Variants in RNASET2 observed in about 807,000 individuals in gnomAD.
RNASET2 encodes ribonuclease 6.
Under a neutral mutation model 33.9 loss-of-function variants are expected in RNASET2, and 28 were observed. The ratio of observed to expected loss-of-function variants is 0.83; its 90% CI spans 0.61 to 1.13. The LOEUF (loss-of-function observed/expected upper bound fraction) is 1.13. Ranked by LOEUF, RNASET2 falls within the 50% of genes most tolerant of loss-of-function variation. The probability of loss-of-function intolerance (pLI) is 0.00; values close to 1 mark genes in which losing one functional copy is unlikely to be tolerated. For missense variants in RNASET2, 330 were observed against 319.9 expected (o/e 1.03, Z -0.24); for synonymous variants, 123 against 121.0 (o/e 1.02, Z -0.11).
chr6:166,924,810 G>C lies in RNASET2; in HGVS notation c.*4778C>G, dbSNP rs991412410. Among the ~76,000 whole-genome samples the C allele has an allele frequency of 6.6e-6, 1 of 152,076 alleles. No homozygotes were observed. Among genetic ancestry groups the C allele is most frequent in the Admixed American group, 6.5e-5 (1 of 15,276 alleles). On this transcript the variant is annotated 3_prime_UTR_variant, in exon 9 of 9. Coordinates refer to ENST00000508775, the MANE Select transcript of RNASET2 (RefSeq NM_003730.6). Reference sequence around the variant, plus strand: ...TCTACTAAAAATACAAAATTAGCCGGGCATGGTGGCATATGCCACCACTCT... The same window carrying C: ...TCTACTAAAAATACAAAATTAGCCGCGCATGGTGGCATATGCCACCACTCT...
chr6:166,926,429 G>C lies in RNASET2; in HGVS notation c.*3159C>G, dbSNP rs1485618754. ...GGCGTGCCTAGTCCCAGCTACTCGGGAGGCTGAGGCAGAAGAATTGCTTGA... is the reference window on the plus strand; with the variant it reads ...GGCGTGCCTAGTCCCAGCTACTCGGCAGGCTGAGGCAGAAGAATTGCTTGA... On this transcript the variant is annotated 3_prime_UTR_variant, in exon 9 of 9. Transcript: ENST00000508775. Among the ~76,000 whole-genome samples the C allele has an allele frequency of 6.6e-6, 1 of 151,350 alleles. No individual in the cohort carries two copies. The highest frequency in any genetic ancestry group is 1.5e-5 in the Non-Finnish European group (1 of 67,892).
In RNASET2 at chr6:166,955,237, A is replaced by ACG. The variant is rs1471900054; in HGVS notation, c.86+858_86+859dup. Among the ~76,000 whole-genome samples, 12 of 118,602 alleles carry ACG rather than the reference A, an allele frequency of 1.0e-4. 1 individual carries two copies. The East Asian group carries it at 2.5e-3, about 25-fold the overall frequency. 77.8% of individuals were successfully genotyped at this position (118,602 alleles called of 152,430 possible). On this transcript the variant is annotated intron_variant, in intron 1 of 8. Coordinates refer to ENST00000508775, the MANE Select transcript of RNASET2 (RefSeq NM_003730.6). ...CGCACACACGCGCACACACGCACGC[A>ACG]CGCACACACACGCACACACGCACAC... is the stretch of plus-strand genomic sequence containing the variant.
chr6:166,955,249 GCACACACGCACA>G (rs1779097287), intron 1 of RNASET2, among the ~76,000 whole-genome samples: 3 of 92,908 alleles, frequency 3.2e-5, no homozygotes, highest in South Asian at 3.3e-4. Context: ...GCACACACAC[GCACACACGCACA>G]CACACACACG....
rs184572250 is a variant in RNASET2 at position 166,946,736 on chromosome 6, G to A, written c.207C>T (p.Pro69=). The A allele has an allele frequency of 1.7e-4, 258 of 1,560,364 alleles. 1 individual carries two copies. Among genetic ancestry groups the A allele is most frequent in the African/African-American group, 9.2e-4 (68 of 73,610 alleles). ...ATCTATTACATCCTTCACTTTTATC[G>A]GGCCTGGAAATTCAAATTTAAAAGA... ...PDYWTIHGLW[P]DKSEGCNRSW... The change falls in exon 4 of 9, where the codon CCC becomes CCT. Residue 69 remains proline, a synonymous_variant. Transcript: ENST00000508775.
chr6:166,956,083 G>A lies in RNASET2; in HGVS notation c.86+14C>T. 3 of 1,551,192 alleles carry A rather than the reference G, an allele frequency of 1.9e-6. No homozygotes were observed. Among genetic ancestry groups the A allele is most frequent in the Non-Finnish European group, 2.6e-6 (3 of 1,146,512 alleles). On this transcript the variant is annotated intron_variant, in intron 1 of 8. Transcript: ENST00000508775. ...GCTCCCACGCTCCCCACTTTACCTCGCAAGGTAACTCACCGCAGGCGCTTG... is the reference window on the plus strand; with the variant it reads ...GCTCCCACGCTCCCCACTTTACCTCACAAGGTAACTCACCGCAGGCGCTTG...
In RNASET2 at chr6:166,933,797, G is replaced by C; in HGVS notation, c.492+294C>G. 1 of 488,958 alleles carries C rather than the reference G, an allele frequency of 2.0e-6. No individual in the cohort carries two copies. Among genetic ancestry groups the C allele is most frequent in the Non-Finnish European group, 3.6e-6 (1 of 274,238 alleles). 30.3% of individuals were successfully genotyped at this position (488,958 alleles called of 1,614,324 possible). On this transcript the variant is annotated intron_variant, in intron 7 of 8. Transcript: ENST00000508775. The surrounding 1 kb of genome is among the most constrained non-coding windows in gnomAD (Gnocchi z 4.1). ...ATAAGACTACGTTATAAAAGTGAAT[G>C]TGACTCTTGAAACTGCAGATTCCAC...
chr6:166,955,273 G>T (rs965908667), intron 1 of RNASET2, among the ~76,000 whole-genome samples: 1 of 84,728 alleles, frequency 1.2e-5, no homozygotes, highest in African/African-American at 5.7e-5. Context: ...ACACACACGC[G>T]CACACACGAC....
chr6:166,929,855 A>T, intron 8 of RNASET2, 64 bp from the exon 9 acceptor site: 4 of 1,490,378 alleles, frequency 2.7e-6, no homozygotes, highest in South Asian at 2.3e-5. Context: ...AGGTCTTAAG[A>T]TCATGAACTT....
rs1778336980 is a variant in RNASET2 at position 166,928,204 on chromosome 6, GT to G, written c.*1383del. 6.6e-6 allele frequency among the ~76,000 whole-genome samples: 1 copy of G among 152,196 alleles called. No individual in the cohort carries two copies. The highest frequency in any genetic ancestry group is 1.5e-5 in the Non-Finnish European group (1 of 68,038). On this transcript the variant is annotated 3_prime_UTR_variant, in exon 9 of 9. Coordinates refer to ENST00000508775, the MANE Select transcript of RNASET2 (RefSeq NM_003730.6). Reference sequence around the variant, plus strand: ...GCTTGTTTCCAGAGGGCCAGAGGCCGTCCTGTGTCTCCTTTAATGCCTGCGG... The same window carrying G: ...GCTTGTTTCCAGAGGGCCAGAGGCCGCCTGTGTCTCCTTTAATGCCTGCGG...
chr6:166,941,571 G>A (rs946029388), intron 5 of RNASET2, among the ~76,000 whole-genome samples: 2 of 152,042 alleles, frequency 1.3e-5, no homozygotes, highest in African/African-American at 2.4e-5. Context: ...TTCACCACCC[G>A]AATTTTCAAG....
At chr6:166,953,204 C>T (rs180750481) in intron 1 of RNASET2, 35 of 154,404 alleles carry the variant, frequency 2.3e-4, no homozygotes, top group African/African-American at 7.7e-4. Context: ...ACGTGTTACC[C>T]AGAACCTGGG....
intron 2 of RNASET2, among the ~76,000 whole-genome samples, chr6:166,949,976 T>C (rs1432498604): frequency 3.9e-5 from 6 of 152,232 alleles, no homozygotes; most frequent in Non-Finnish European, 8.8e-5. Context: ...GGCTGCCCAG[T>C]AGGAAATACA....
At chr6:166,936,350 C>CGT (rs56962763) in intron 6 of RNASET2, among the ~76,000 whole-genome samples, 110,993 of 149,400 alleles carry the variant, frequency 0.74, 41,536 homozygotes, top group Admixed American at 0.8. Flanking sequence ...TTGCATGTGT[C>CGT]GTGTGTGTGT....
intron 3 of RNASET2, 152 bp downstream of exon 3, chr6:166,948,418 G>T (rs1429443500): frequency 7.1e-6 from 5 of 707,014 alleles, no homozygotes; most frequent in Non-Finnish European, 1.0e-5. Flanking sequence ...GGTTCTGCTA[G>T]AAAGACTAAA....
In RNASET2 at chr6:166,926,612, C is replaced by T. The variant is rs759146444; in HGVS notation, c.*2976G>A. ...CAATTGCTACTGTTAGTTATTCAAG[C>T]GCATAATGATCTCCCACTACTAGCT... On this transcript the variant is annotated 3_prime_UTR_variant, in exon 9 of 9. Transcript: ENST00000508775. Among the ~76,000 whole-genome samples the T allele has an allele frequency of 2.0e-5, 3 of 151,858 alleles. No homozygotes were observed. The highest frequency in any genetic ancestry group is 7.3e-5 in the African/African-American group (3 of 41,326).
rs934761412 is a variant in RNASET2, at chr6:166,934,006, C to T, written c.492+85G>A. ...AGGGGGTTTGCACTGGGGCAATTTA[C>T]AGCCCATTGACTCAGAGGCTGAAAC... On this transcript the variant is annotated intron_variant, in intron 7 of 8. Coordinates refer to ENST00000508775, the MANE Select transcript of RNASET2 (RefSeq NM_003730.6). 5.2e-5 allele frequency: 48 copies of T among 929,494 alleles called. No homozygotes were observed. In the Middle Eastern group the frequency reaches 6.3e-4, roughly 12 times the overall value. The allele number at this position is 929,494 out of a possible 1,614,324, so 57.6% of individuals were successfully genotyped here.
chr6:166,955,347 G>T, intron 1 of RNASET2: 1 of 171,978 alleles, frequency 5.8e-6, no homozygotes, highest in Non-Finnish European at 9.0e-6. Flanking sequence ...ACACGCACAC[G>T]CACGCACACA....
In RNASET2 at chr6:166,945,830, CA is replaced by C. The variant is rs770959298; in HGVS notation, c.261+851del. On this transcript the variant is annotated intron_variant, in intron 4 of 8. Transcript: ENST00000508775. Reference sequence around the variant, plus strand: ...GGGCAACAAGAGCAAAACTCTGTCTCAAAAAAAAAAAAAAAAAGAAAAGAAA... The same window carrying C: ...GGGCAACAAGAGCAAAACTCTGTCTCAAAAAAAAAAAAAAAAGAAAAGAAA... Among the ~76,000 whole-genome samples the C allele has an allele frequency of 2.4e-3, 172 of 72,444 alleles. 1 individual carries two copies. Among genetic ancestry groups the C allele is most frequent in the Middle Eastern group, 7.7e-3 (1 of 130 alleles). 47.5% of individuals were successfully genotyped at this position (72,444 alleles called of 152,430 possible).
rs569573744 is a variant in RNASET2, at chr6:166,946,438, C to T, written c.261+244G>A. On this transcript the variant is annotated intron_variant, in intron 4 of 8. Coordinates refer to ENST00000508775, the MANE Select transcript of RNASET2 (RefSeq NM_003730.6). ...AGGGCTTGCTCCGGTCGGAGCCCCT[C>T]GCTCAGGCCCCTCATGCAGTGGCTT... Among the ~76,000 whole-genome samples, 198 of 152,328 alleles carry T rather than the reference C, an allele frequency of 1.3e-3. 3 individuals are homozygous for T. The highest frequency in any genetic ancestry group is 0.011 in the Admixed American group (163 of 15,292).
Sources: allele counts gnomAD v4.1 joint callset (sites outside exome capture counted in the v4.1 genomes callset), GRCh38; gene constraint gnomAD v4.1.1; non-coding constraint Gnocchi (gnomAD v3.1); transcripts MANE v1.5; gene names NCBI Gene and HGNC (gene_info 2026-07-23, HGNC 2026-07-21).